Variants in ANK2 observed in about 807,000 individuals in gnomAD.
ANK2 encodes the protein ankyrin-2.
ANK2 carries 83 observed loss-of-function variants against 360.5 expected under a neutral mutation model. The observed-to-expected ratio is 0.23, with a 90% CI of 0.19 to 0.28. ANK2 has a LOEUF of 0.28. Among genes scored for constraint, ANK2 ranks in the 10% least tolerant of loss-of-function variants. The pLI, the probability that ANK2 is intolerant of heterozygous loss-of-function variation, is 1.00. For missense variants in ANK2, 4,201 were observed against 4,795.7 expected, an observed-to-expected ratio of 0.88 and a Z score of 3.66; for synonymous variants, 1,740 against 1,759.5, an observed-to-expected ratio of 0.99 and a Z score of 0.28.
At position 113,367,664 on chromosome 4, in the gene ANK2, A is replaced by T. The variant is rs779012880; in HGVS notation, c.11131A>T (p.Ile3711Phe). 7 of 1,613,960 alleles carry T rather than the reference A, an allele frequency of 4.3e-6. No individual in the cohort carries two copies. Among genetic ancestry groups the T allele is most frequent in the Middle Eastern group, 3.3e-4 (2 of 6,062 alleles). Reference protein sequence around the residue: ...KESETCDHPPIVSEEDISVGY... With the variant: ...KESETCDHPPFVSEEDISVGY... ...AAGTGAGACCTGCGATCACCCTCCT[A>T]TCGTCTCAGAGGAAGACATTTCTGT... The change falls in exon 42 of 46, where the codon ATC becomes TTC. Residue 3711 changes from isoleucine (I) to phenylalanine (F), a missense_variant. Coordinates refer to ENST00000357077, the MANE Select transcript of ANK2 (RefSeq NM_001148.6).
At chr4:113,339,404 A>C in intron 32 of ANK2, 82 bp downstream of exon 32, 1 of 1,144,234 alleles carries the variant, frequency 8.7e-7, no homozygotes, top group South Asian at 1.3e-5. Context: ...TTGTTTCTTT[A>C]TTGTTTAAAA....
intron 2 of ANK2, among the ~76,000 whole-genome samples, chr4:112,926,507 CAGA>C (rs920352621): frequency 6.6e-6 from 1 of 152,134 alleles, no homozygotes; most frequent in Non-Finnish European, 1.5e-5. Flanking sequence ...CTGAAATGGG[CAGA>C]AGAAATCACT....
intron 1 of ANK2, among the ~76,000 whole-genome samples, chr4:112,879,509 A>G (rs1560919130): frequency 6.6e-6 from 1 of 152,128 alleles, no homozygotes; most frequent in African/African-American, 2.4e-5. Context: ...TCCTGACCCA[A>G]TACAGAACCA....
rs1431261101 is a variant in ANK2, at chr4:113,363,481, A to G, written c.10888+12A>G. ...GAAACATGCTACAGGTAAGTGGGGAACTATATGCATATTGGGCTAAAGTTG... is the reference window on the plus strand; with the variant it reads ...GAAACATGCTACAGGTAAGTGGGGAGCTATATGCATATTGGGCTAAAGTTG... On this transcript the variant is annotated intron_variant, in intron 40 of 45. Coordinates refer to ENST00000357077, the MANE Select transcript of ANK2 (RefSeq NM_001148.6). 1 of 1,613,080 alleles carries G rather than the reference A, an allele frequency of 6.2e-7. No homozygotes were observed.
the ANK2 span, among the ~76,000 whole-genome samples, chr4:112,760,408 C>T: frequency 6.6e-6 from 1 of 151,898 alleles, no homozygotes; most frequent in East Asian, 1.9e-4. Context: ...AGGATGGTCT[C>T]GATCTCCTGA....
chr4:113,143,205 T>G (rs760791889), intron 1 of ANK2, among the ~76,000 whole-genome samples: 3 of 52,048 alleles, frequency 5.8e-5, no homozygotes. Flanking sequence ...GTCACAACCT[T>G]ATTCAAAAAG....
intron 1 of ANK2, among the ~76,000 whole-genome samples, chr4:113,057,601 TTA>T (rs535603731): frequency 6.6e-6 from 1 of 151,752 alleles, no homozygotes; most frequent in African/African-American, 2.4e-5. Context: ...CCTTCTCCTA[TTA>T]TATATATATA....
chr4:112,949,250 CACTTGGTCCCTTCTTTT>C (rs1408727652), intron 2 of ANK2, among the ~76,000 whole-genome samples: 1 of 152,142 alleles, frequency 6.6e-6, no homozygotes, highest in African/African-American at 2.4e-5. Context: ...CAAAGTGGTT[CACTTGGTCCCTTCTTTT>C]CCTGCATGGC....
Position 113,147,265 on chromosome 4 carries a change from A to G in ANK2, c.85-27151A>G, listed in dbSNP as rs543773941. 6.6e-5 allele frequency among the ~76,000 whole-genome samples: 10 copies of G among 152,292 alleles called. No homozygotes were observed. The South Asian group carries it at 2.1e-3, about 32-fold the overall frequency. On this transcript the variant is annotated intron_variant, in intron 1 of 45. Coordinates refer to ENST00000357077, the MANE Select transcript of ANK2 (RefSeq NM_001148.6). ...GCGAGGTTTGTAACCAAGAGCAGTA[A>G]CGTTTCTCCTGGATTATGGTTTCCA...
chr4:113,367,195 C>T (rs890490844), intron 41 of ANK2, among the ~76,000 whole-genome samples: 1 of 152,154 alleles, frequency 6.6e-6, no homozygotes, highest in African/African-American at 2.4e-5. Flanking sequence ...ACTCATCTTA[C>T]TCTTCAGATT....
intron 2 of ANK2, among the ~76,000 whole-genome samples, chr4:112,999,945 G>A (rs1476811657): frequency 6.6e-6 from 1 of 152,228 alleles, no homozygotes; most frequent in Admixed American, 6.5e-5. Context: ...TTTCCTCTAT[G>A]CTCCTAAGTT....
upstream of ANK2, among the ~76,000 whole-genome samples, chr4:112,813,116 T>C (rs1372491082): frequency 6.6e-6 from 1 of 151,850 alleles, no homozygotes; most frequent in Non-Finnish European, 1.5e-5. Flanking sequence ...CATGCACCTG[T>C]AGTCCCAGCT....
chr4:112,845,835 T>C (rs1258727701), intron 1 of ANK2, among the ~76,000 whole-genome samples: 1 of 152,248 alleles, frequency 6.6e-6, no homozygotes, highest in Non-Finnish European at 1.5e-5. Flanking sequence ...TTTCTTGGGA[T>C]GTTGTCTTCA....
In ANK2 at chr4:113,354,986, A is replaced by T; in HGVS notation, c.6368A>T (p.Asp2123Val). 1.2e-6 allele frequency: 2 copies of T among 1,614,080 alleles called. No individual in the cohort carries two copies. The highest frequency in any genetic ancestry group is 1.7e-6 in the Non-Finnish European group (2 of 1,179,986). Residue 2123 changes from aspartate (D) to valine (V), a missense_variant, in exon 38 of 46, where the codon GAT becomes GTT. Around this residue, in one of 4 missense-constraint regions of ANK2, gnomAD observed 2,642 missense variants for 2,714.5 expected, o/e 0.97. Coordinates refer to ENST00000357077, the MANE Select transcript of ANK2 (RefSeq NM_001148.6). ...ATGGCTGATGAGCAGGGAGACATGG[A>T]TCTACAGATCAGCCCAGATAGGAAA... The part of the protein sequence containing the change: ...EKMADEQGDM[D>V]LQISPDRKTS...
chr4:112,963,052 G>T (rs1301957375), intron 2 of ANK2, among the ~76,000 whole-genome samples: 1 of 152,022 alleles, frequency 6.6e-6, no homozygotes, highest in Non-Finnish European at 1.5e-5. Flanking sequence ...TTATTTAGAA[G>T]AAATATTTAA....
At chr4:112,724,544 GAC>G in the ANK2 span, among the ~76,000 whole-genome samples, 7 of 115,926 alleles carry the variant, frequency 6.0e-5, 1 homozygote, top group Admixed American at 2.5e-4. Context: ...CAAATATATA[GAC>G]ACACACACAT....
chr4:112,928,895 C>T (rs1356277390), intron 2 of ANK2, among the ~76,000 whole-genome samples: 1 of 137,118 alleles, frequency 7.3e-6, no homozygotes, highest in African/African-American at 3.3e-5. Context: ...CTGTGTGGCC[C>T]AGGTTGGAGT....
the ANK2 span, among the ~76,000 whole-genome samples, chr4:112,780,752 A>G: frequency 6.6e-6 from 1 of 152,140 alleles, no homozygotes; most frequent in Non-Finnish European, 1.5e-5. Context: ...AGACATGCAT[A>G]AAACCATCTG....
At chr4:113,311,566 C>T (rs2079975228) in intron 24 of ANK2, among the ~76,000 whole-genome samples, 167 bp downstream of exon 24, 1 of 152,062 alleles carries the variant, frequency 6.6e-6, no homozygotes, top group Non-Finnish European at 1.5e-5. Context: ...TTAAGATATG[C>T]CCATTTTAAA....
Sources: allele counts gnomAD v4.1 joint callset (sites outside exome capture counted in the v4.1 genomes callset), GRCh38; gene constraint gnomAD v4.1.1; regional missense constraint gnomAD v4.1.1; transcripts MANE v1.5; gene names NCBI Gene and HGNC (gene_info 2026-07-23, HGNC 2026-07-21).